The following LMF1 variants were observed in gnomAD, a reference collection of about 807,000 sequenced individuals.
LMF1 encodes the protein lipase maturation factor 1.
In LMF1, 68 loss-of-function variants were observed where a neutral mutation model predicts 60.6. The ratio of observed to expected loss-of-function variants is 1.12; its 90% CI spans 0.92 to 1.37. LMF1 has a LOEUF of 1.37. Ranked by LOEUF, LMF1 falls within the 40% of genes most tolerant of loss-of-function variation. The pLI is 0.00. For synonymous variants in LMF1, 418 were observed against 324.7 expected, an observed-to-expected ratio of 1.29 and a Z score of -3.09; for missense variants, 948 against 767.2, an observed-to-expected ratio of 1.24 and a Z score of -2.78.
intron 10 of LMF1, among the ~76,000 whole-genome samples, chr16:857,239 G>A (rs964272724): frequency 1.1e-4 from 16 of 152,250 alleles, no homozygotes; most frequent in Non-Finnish European, 2.1e-4. Flanking sequence ...GGGTTTCTGC[G>A]TGAACCTGGG....
intron 3 of LMF1, among the ~76,000 whole-genome samples, chr16:931,318 G>A (rs1474420707): frequency 6.6e-6 from 1 of 152,268 alleles, no homozygotes; most frequent in Non-Finnish European, 1.5e-5. Flanking sequence ...GAGCCGGCTG[G>A]CTGCTGCCTC....
upstream of LMF1, among the ~76,000 whole-genome samples, chr16:974,774 C>A (rs1276194616): frequency 6.6e-6 from 1 of 152,262 alleles, no homozygotes; most frequent in Non-Finnish European, 1.5e-5. Context: ...GCACCCCGGC[C>A]TGGCAGCTCC....
chr16:931,144 G>A (rs1247917353), intron 3 of LMF1, among the ~76,000 whole-genome samples: 1 of 151,908 alleles, frequency 6.6e-6, no homozygotes. Context: ...GTCTGGGACC[G>A]CCCAGTGGGG....
chr16:854,575 G>C lies in LMF1; in HGVS notation c.1661C>G (p.Pro554Arg), dbSNP rs763055499. The C allele has an allele frequency of 6.2e-7, 1 of 1,608,368 alleles. No homozygotes were observed. Among genetic ancestry groups the C allele is most frequent in the Non-Finnish European group, 8.5e-7 (1 of 1,178,902 alleles). The part of the protein sequence containing the change: ...FPPLSLEELR[P>R]YFRDRGWPLP... ...AGGCCACCCACGGTCCCTGAAGTAG[G>C]GCCTCAGCTCCTCCAGGCTGAGCGG... is the stretch of plus-strand genomic sequence containing the variant. Residue 554 changes from proline (P) to arginine (R), a missense_variant, in exon 11 of 11, where the codon CCC becomes CGC. Transcript: ENST00000262301.
At chr16:926,274 GTT>G (rs909603765) in intron 3 of LMF1, among the ~76,000 whole-genome samples, 3 of 152,016 alleles carry the variant, frequency 2.0e-5, no homozygotes, top group African/African-American at 7.3e-5. Context: ...GCATGCACCT[GTT>G]TGCATATGAT....
At chr16:964,920 A>C (rs1300040338) in intron 1 of LMF1, among the ~76,000 whole-genome samples, 2 of 152,232 alleles carry the variant, frequency 1.3e-5, no homozygotes, top group East Asian at 1.9e-4. Context: ...AAAAGAAGGA[A>C]GGGCGGTGAG....
intron 2 of LMF1, among the ~76,000 whole-genome samples, chr16:942,567 A>C (rs1411178860): frequency 6.8e-6 from 1 of 147,524 alleles, no homozygotes; most frequent in Non-Finnish European, 1.5e-5. Flanking sequence ...GTGGGGCTCC[A>C]ATCACACATA....
At chr16:864,789 T>A (rs1398549653) in intron 10 of LMF1, among the ~76,000 whole-genome samples, 2 of 151,798 alleles carry the variant, frequency 1.3e-5, no homozygotes, top group African/African-American at 4.8e-5. Flanking sequence ...CATGCCTGGC[T>A]AATTGTTGTA....
At chr16:932,482 C>G (rs2071818247) in intron 3 of LMF1, among the ~76,000 whole-genome samples, 1 of 152,240 alleles carries the variant, frequency 6.6e-6, no homozygotes, top group Non-Finnish European at 1.5e-5. Context: ...TCCACAACAT[C>G]AGACAGCAGG....
intron 1 of LMF1, among the ~76,000 whole-genome samples, chr16:963,567 G>A (rs552545854): frequency 6.6e-6 from 1 of 152,262 alleles, no homozygotes; most frequent in South Asian, 2.1e-4. Context: ...GTATGCAGGT[G>A]GGAGAAACAC....
chr16:933,844 A>T (rs2071861990), intron 3 of LMF1: 1 of 734,508 alleles, frequency 1.4e-6, no homozygotes, highest in Admixed American at 3.5e-5. Flanking sequence ...TCCACCAAAC[A>T]AAGCACAAGC....
chr16:944,836 G>T (rs1314182714), intron 2 of LMF1, among the ~76,000 whole-genome samples: 1 of 152,064 alleles, frequency 6.6e-6, no homozygotes, highest in Non-Finnish European at 1.5e-5. Context: ...CGTCTCAATT[G>T]TCATCCCTGC....
intron 5 of LMF1, among the ~76,000 whole-genome samples, chr16:883,397 G>A (rs1465389190): frequency 6.6e-6 from 1 of 152,270 alleles, no homozygotes; most frequent in African/African-American, 2.4e-5. Context: ...CACAGGACCA[G>A]GAGAAAGATG....
chr16:925,807 G>GA (rs1365479898), intron 3 of LMF1, among the ~76,000 whole-genome samples: 1 of 152,162 alleles, frequency 6.6e-6, no homozygotes, highest in African/African-American at 2.4e-5. Context: ...ATTAGTAAGT[G>GA]AAAAAAAGGG....
intron 5 of LMF1, among the ~76,000 whole-genome samples, chr16:890,884 C>G (rs1355197078): frequency 6.6e-6 from 1 of 152,182 alleles, no homozygotes; most frequent in Non-Finnish European, 1.5e-5. Context: ...ACCGAGGGTG[C>G]CTCGAGACAT....
At chr16:927,463 G>C (rs1400016833) in intron 3 of LMF1, among the ~76,000 whole-genome samples, 1 of 152,264 alleles carries the variant, frequency 6.6e-6, no homozygotes, top group Non-Finnish European at 1.5e-5. Flanking sequence ...AGGACCCAGA[G>C]AGGAGCTGGC....
chr16:977,676 G>C (rs548636347), intron 1 of LMF1, among the ~76,000 whole-genome samples: 379 of 148,906 alleles, frequency 2.5e-3, no homozygotes, highest in African/African-American at 9.4e-3. Flanking sequence ...GCCGGGTTGG[G>C]GGTGGATGGA....
intron 1 of LMF1, among the ~76,000 whole-genome samples, chr16:977,467 C>T (rs1207442238): frequency 2.6e-5 from 4 of 152,220 alleles, no homozygotes; most frequent in Non-Finnish European, 5.9e-5. Flanking sequence ...CCAGACCAGC[C>T]GTCATTAAAA....
intron 5 of LMF1, among the ~76,000 whole-genome samples, chr16:880,024 A>G (rs1282192529): frequency 1.3e-5 from 2 of 152,126 alleles, no homozygotes. Flanking sequence ...ACACCTGTAA[A>G]CCCCGTGCCC....
Sources: gnomAD v4.1 joint callset for allele counts (sites outside exome capture counted in the v4.1 genomes callset) on GRCh38, gnomAD v4.1.1 for gene constraint, MANE v1.5 for transcripts, NCBI Gene and HGNC (gene_info 2026-07-23, HGNC 2026-07-21) for gene names.